The following IGF2BP1 variants were observed in gnomAD, a reference collection of about 807,000 sequenced individuals.
IGF2BP1 encodes the protein insulin like growth factor 2 mRNA binding protein 1, also known as insulin-like growth factor 2 mRNA-binding protein 1.
A neutral mutation model predicts 74.9 loss-of-function variants in IGF2BP1; 11 were observed. That is an observed-to-expected ratio of 0.15 (90% CI 0.09 to 0.24). The LOEUF (loss-of-function observed/expected upper bound fraction) is 0.24, where lower values mean the gene tolerates loss of function less well. IGF2BP1 is among the 10% of genes least tolerant of loss of function. The probability of loss-of-function intolerance (pLI) is 1.00; values close to 1 mark genes in which losing one functional copy is unlikely to be tolerated. For synonymous variants in IGF2BP1, 287 were observed against 281.8 expected, an observed-to-expected ratio of 1.02 and a Z score of -0.18; for missense variants, 440 against 757.4, an observed-to-expected ratio of 0.58 and a Z score of 4.92.
At chr17:49,040,218 C>G in intron 7 of IGF2BP1, 127 bp downstream of exon 7, 1 of 1,078,912 alleles carries the variant, frequency 9.3e-7, no homozygotes, top group Non-Finnish European at 1.3e-6. Flanking sequence ...AAGATGTAAA[C>G]TGAGAAATAA....
intron 2 of IGF2BP1, among the ~76,000 whole-genome samples, chr17:49,020,302 A>C (rs2041776628): frequency 6.6e-6 from 1 of 152,156 alleles, no homozygotes; most frequent in African/African-American, 2.4e-5. Flanking sequence ...TCGGTCTCCC[A>C]GGGTGCTGGG....
intron 2 of IGF2BP1, among the ~76,000 whole-genome samples, chr17:49,005,581 T>C (rs553340077): frequency 1.3e-5 from 2 of 152,270 alleles, no homozygotes; most frequent in South Asian, 4.1e-4. Context: ...AGGAGGGTTG[T>C]GGAGAAAAAT....
In IGF2BP1 at chr17:49,055,739, T is replaced by A. The variant is rs1461880277; in HGVS notation, c.*6295T>A. On this transcript the variant is annotated 3_prime_UTR_variant, in exon 15 of 15. Coordinates refer to ENST00000290341, the MANE Select transcript of IGF2BP1 (RefSeq NM_006546.4). The stretch of plus-strand genomic sequence containing the variant: ...CTTCCTCCCCTGAGGCAAAGTGGAT[T>A]TGTAAGCAGTTCTGAAACATCACTT... 2.5e-6 allele frequency: 1 copy of A among 398,384 alleles called. No homozygotes were observed. Among genetic ancestry groups the A allele is most frequent in the African/African-American group, 2.1e-5 (1 of 48,584 alleles). 24.7% of individuals were successfully genotyped at this position (398,384 alleles called of 1,614,324 possible). A position where few individuals can be genotyped will look rare whatever the true frequency, so the allele number is the denominator to read the frequency against.
At chr17:49,015,794 C>T (rs1362272866) in intron 2 of IGF2BP1, among the ~76,000 whole-genome samples, 1 of 152,196 alleles carries the variant, frequency 6.6e-6, no homozygotes, top group East Asian at 1.9e-4. Context: ...GGGGGCTGCT[C>T]AGATGGGCTT....
intron 1 of IGF2BP1, among the ~76,000 whole-genome samples, chr17:48,998,158 C>A (rs955724970): frequency 6.6e-6 from 1 of 152,112 alleles, no homozygotes; most frequent in Non-Finnish European, 1.5e-5. Flanking sequence ...ATAAGGAGCT[C>A]TGGCTTCCCC....
intron 5 of IGF2BP1, among the ~76,000 whole-genome samples, chr17:49,034,461 G>A (rs143382282): frequency 1.0e-4 from 15 of 150,580 alleles, no homozygotes; most frequent in African/African-American, 3.2e-4. Flanking sequence ...AAATGCTGTC[G>A]GGTTTAGTGG....
Position 49,046,344 on chromosome 17 carries a change from A to G in IGF2BP1, c.1612A>G (p.Lys538Glu), listed in dbSNP as rs2042107753. 1 of 1,613,914 alleles carries G rather than the reference A, an allele frequency of 6.2e-7. No homozygotes were observed. The highest frequency in any genetic ancestry group is 8.5e-7 in the Non-Finnish European group (1 of 1,179,940). Residue 538 changes from lysine (K) to glutamate (E), a missense_variant, in exon 14 of 15, where the codon AAA becomes GAA. By Grantham distance (56) the Lys-to-Glu change is moderately conservative. Around this residue, in one of 5 missense-constraint regions of IGF2BP1, gnomAD observed 117 missense variants for 237.2 expected, o/e 0.49. Transcript: ENST00000290341. ...TGATGAGAACGACCAGGTCATCGTG[A>G]AAATCATCGGACATTTCTATGCCAG... ...TPDENDQVIV[K>E]IIGHFYASQM...
intron 2 of IGF2BP1, among the ~76,000 whole-genome samples, chr17:49,020,989 AT>A (rs1416462332): frequency 6.4e-4 from 85 of 132,024 alleles, no homozygotes; most frequent in Non-Finnish European, 1.6e-4. Flanking sequence ...AAAAAAAAAA[AT>A]TGGAGCCAGG....
At chr17:49,019,233 G>A (rs2041745258) in intron 2 of IGF2BP1, among the ~76,000 whole-genome samples, 1 of 152,172 alleles carries the variant, frequency 6.6e-6, no homozygotes, top group South Asian at 2.1e-4. Context: ...ACTGTGCACA[G>A]TGCTTTCCTG....
chr17:48,997,128 A>G (rs1164145977), upstream of IGF2BP1, among the ~76,000 whole-genome samples: 3 of 141,288 alleles, frequency 2.1e-5, no homozygotes, highest in Non-Finnish European at 4.7e-5. This position sits in a 1 kb window ranked among gnomAD's most constrained non-coding sequence, Gnocchi z 4.8. Context: ...GGGCTGGGGT[A>G]GGGGGATGGG....
chr17:49,042,455 A>G, intron 9 of IGF2BP1, 78 bp downstream of exon 9: 1 of 1,512,396 alleles, frequency 6.6e-7, no homozygotes. Context: ...AGGGTGATGG[A>G]CATGTGCCCT....
rs1477081502 is a variant in IGF2BP1 at position 48,997,743 on chromosome 17, A to G, written c.-3A>G. 2 of 1,612,696 alleles carry G rather than the reference A, an allele frequency of 1.2e-6. No individual in the cohort carries two copies. Among genetic ancestry groups the G allele is most frequent in the African/African-American group, 1.3e-5 (1 of 74,962 alleles). On this transcript the variant is annotated 5_prime_UTR_variant, in exon 1 of 15. Coordinates refer to ENST00000290341, the MANE Select transcript of IGF2BP1 (RefSeq NM_006546.4). This position sits in a 1 kb window ranked among gnomAD's most constrained non-coding sequence, Gnocchi z 4.8. ...GACCGCGTCCTGCCCCGAGACCGCC[A>G]CCATGAACAAGCTTTACATCGGCAA... is the stretch of plus-strand genomic sequence containing the variant.
At chr17:49,019,924 ATATATATATATATATATATATATATT>A (rs1478950100) in intron 2 of IGF2BP1, among the ~76,000 whole-genome samples, 24 of 61,478 alleles carry the variant, frequency 3.9e-4, no homozygotes, top group African/African-American at 1.3e-3. Flanking sequence ...ATATATATAT[ATATATATATATATATATATATATATT>A]TATATACACA....
chr17:49,047,714 CTT>C (rs34788963), intron 14 of IGF2BP1, among the ~76,000 whole-genome samples: 99 of 137,714 alleles, frequency 7.2e-4, no homozygotes, highest in African/African-American at 9.9e-4. Flanking sequence ...TCAACTTCCT[CTT>C]TTTTTTTTTT....
chr17:49,041,948 G>T (rs929123045), intron 8 of IGF2BP1, among the ~76,000 whole-genome samples: 2 of 152,216 alleles, frequency 1.3e-5, no homozygotes, highest in African/African-American at 4.8e-5. Flanking sequence ...AAAGGTATAG[G>T]ACATGGATTA....
intron 2 of IGF2BP1, chr17:49,004,667 T>G (rs975791475): frequency 3.3e-5 from 5 of 152,186 alleles, no homozygotes; most frequent in Non-Finnish European, 7.3e-5. Context: ...TCCATGGATT[T>G]TGTTTATCTT....
rs1469090528 is a variant in IGF2BP1, at chr17:49,026,469, C to T, written c.289C>T (p.Leu97=). The change falls in exon 4 of 15, where the codon CTG becomes TTG. Residue 97 remains leucine, a synonymous_variant. Transcript: ENST00000290341. The stretch of plus-strand genomic sequence containing the variant: ...CTTCCCTTCTCCATTCTCCTAGGTA[C>T]TGGACAGCCTGCTGGCTCAGTATGG... The part of the protein sequence containing the change: ...NIPPQLRWEV[L]DSLLAQYGTV... 1.2e-6 allele frequency: 2 copies of T among 1,613,902 alleles called. No homozygotes were observed. Among genetic ancestry groups the T allele is most frequent in the Non-Finnish European group, 8.5e-7 (1 of 1,179,912 alleles).
intron 4 of IGF2BP1, among the ~76,000 whole-genome samples, chr17:49,029,381 G>C (rs762880303): frequency 6.6e-6 from 1 of 152,168 alleles, no homozygotes; most frequent in Non-Finnish European, 1.5e-5. Context: ...TTGGGAGGCT[G>C]AGATGGGAGG....
intron 2 of IGF2BP1, among the ~76,000 whole-genome samples, chr17:49,001,647 G>A (rs537865147): frequency 6.6e-6 from 1 of 152,254 alleles, no homozygotes; most frequent in Non-Finnish European, 1.5e-5. Context: ...TTAAAATGAG[G>A]TGATACTAAT....
Sources: gnomAD v4.1 joint callset for allele counts (sites outside exome capture counted in the v4.1 genomes callset) on GRCh38, gnomAD v4.1.1 for gene constraint, gnomAD v4.1.1 regional missense constraint, Gnocchi (gnomAD v3.1) non-coding constraint, MANE v1.5 for transcripts, NCBI Gene and HGNC (gene_info 2026-07-23, HGNC 2026-07-21) for gene names.